Variants in ARMH4 observed in about 807,000 individuals in gnomAD.
ARMH4 encodes armadillo-like helical domain-containing protein 4.
In ARMH4, 49 loss-of-function variants were observed where a neutral mutation model predicts 61.9. The ratio of observed to expected loss-of-function variants is 0.79; its 90% CI spans 0.63 to 1.00. The LOEUF (loss-of-function observed/expected upper bound fraction) is 1.00, where lower values mean the gene tolerates loss of function less well. Ranked by LOEUF, ARMH4 falls within the 50% of genes least tolerant of loss-of-function variation. ARMH4 has a pLI of 0.00. For synonymous variants in ARMH4, 368 were observed against 341.5 expected, an observed-to-expected ratio of 1.08 and a Z score of -0.85; for missense variants, 934 against 930.0, an observed-to-expected ratio of 1.00 and a Z score of -0.06.
chr14:58,007,666 C>T (rs1882229319), intron 6 of ARMH4, among the ~76,000 whole-genome samples: 1 of 152,202 alleles, frequency 6.6e-6, no homozygotes, highest in Non-Finnish European at 1.5e-5. Flanking sequence ...TTGCTCATGA[C>T]TTGATTTCTT....
chr14:58,141,327 G>A (rs995891319), intron 1 of ARMH4: 2 of 475,462 alleles, frequency 4.2e-6, no homozygotes, highest in Admixed American at 4.9e-5. Flanking sequence ...TCACCCTTGA[G>A]GTCAAGCCCA....
At chr14:58,016,563 G>GA (rs1209458674) in intron 5 of ARMH4, among the ~76,000 whole-genome samples, 4 of 151,876 alleles carry the variant, frequency 2.6e-5, no homozygotes, top group South Asian at 2.1e-4. Flanking sequence ...TTAAATTAAG[G>GA]AAAAAAACAC....
intron 4 of ARMH4, among the ~76,000 whole-genome samples, chr14:58,109,582 T>C (rs1566584349): frequency 6.6e-6 from 1 of 152,210 alleles, no homozygotes; most frequent in South Asian, 2.1e-4. Flanking sequence ...ACACCTTCCT[T>C]CAATTTCTTT....
chr14:58,008,617 C>T (rs202104027), intron 6 of ARMH4, among the ~76,000 whole-genome samples: 13 of 152,270 alleles, frequency 8.5e-5, no homozygotes, highest in Middle Eastern at 3.4e-3. Flanking sequence ...AGCATCCTTA[C>T]GATTTCTGTG....
At chr14:58,131,074 CA>C (rs1887077696) in intron 4 of ARMH4, 1 of 161,774 alleles carries the variant, frequency 6.2e-6, no homozygotes, top group Admixed American at 5.9e-5. Flanking sequence ...ATAGCACAGT[CA>C]GCAAACTTGC....
rs145180619 is a variant in ARMH4 at position 58,138,537 on chromosome 14, G to T, written c.822C>A (p.Leu274=). The T allele has an allele frequency of 4.3e-6, 7 of 1,614,088 alleles. No homozygotes were observed. Among genetic ancestry groups the T allele is most frequent in the Middle Eastern group, 1.6e-4 (1 of 6,084 alleles). Reference sequence around the variant, plus strand: ...CACTCAGGGTGTACTCGGAAGTTTCGAGTGGTTGCTTGGTGGCAGCAGCCT... The same window carrying T: ...CACTCAGGGTGTACTCGGAAGTTTCTAGTGGTTGCTTGGTGGCAGCAGCCT... The part of the protein sequence containing the change: ...NTQAAATKQP[L]ETSEYTLSVE... Residue 274 remains leucine, a synonymous_variant, in exon 2 of 8, where the codon CTC becomes CTA. Transcript: ENST00000267485.
At chr14:58,023,301 G>C (rs12050252) in intron 5 of ARMH4, among the ~76,000 whole-genome samples, 2,069 of 152,140 alleles carry the variant, frequency 0.014, 34 homozygotes, top group East Asian at 0.081. Flanking sequence ...GTGAGCTAAG[G>C]TCATGTAATA....
intron 5 of ARMH4, among the ~76,000 whole-genome samples, chr14:58,020,576 C>T (rs1455884604): frequency 2.6e-5 from 4 of 152,062 alleles, no homozygotes; most frequent in Non-Finnish European, 5.9e-5. Context: ...CTCCCTGTCT[C>T]TCTCTTCCTG....
Position 58,003,943 on chromosome 14 carries a change from C to T in ARMH4, c.*793G>A, listed in dbSNP as rs1283489331. ...TCTTGAATTCTTCTTCATTTTTTCT[C>T]GGCAAAATCAACTAGCACACAAAAA... On this transcript the variant is annotated 3_prime_UTR_variant, in exon 8 of 8. Coordinates refer to ENST00000267485, the MANE Select transcript of ARMH4 (RefSeq NM_001001872.4). 1.3e-5 allele frequency: 2 copies of T among 152,074 alleles called. No individual in the cohort carries two copies. Among genetic ancestry groups the T allele is most frequent in the African/African-American group, 4.8e-5 (2 of 41,396 alleles). 9.4% of individuals were successfully genotyped at this position (152,074 alleles called of 1,614,324 possible).
At chr14:58,005,969 G>A (rs1882157953) in intron 6 of ARMH4, among the ~76,000 whole-genome samples, 1 of 152,182 alleles carries the variant, frequency 6.6e-6, no homozygotes, top group Admixed American at 6.6e-5. Context: ...AAAGATCACT[G>A]CCAACAACAC....
intron 5 of ARMH4, among the ~76,000 whole-genome samples, chr14:58,071,153 G>T (rs1051911220): frequency 4.0e-5 from 6 of 149,350 alleles, no homozygotes; most frequent in South Asian, 2.1e-4. Context: ...TATAATATAC[G>T]TTATATATAT....
intron 6 of ARMH4, among the ~76,000 whole-genome samples, chr14:58,009,807 CAAAAAAAAA>C (rs1180997628): frequency 4.3e-5 from 2 of 46,820 alleles, no homozygotes; most frequent in South Asian, 2.0e-3. Context: ...CAAGACTCTG[CAAAAAAAAA>C]AAAAAAAAAA....
At chr14:58,081,688 A>G (rs1885230833) in intron 5 of ARMH4, among the ~76,000 whole-genome samples, 1 of 151,246 alleles carries the variant, frequency 6.6e-6, no homozygotes, top group Non-Finnish European at 1.5e-5. Flanking sequence ...TTTTTTAGTG[A>G]AGATGGGGTT....
In ARMH4 at chr14:58,032,857, G is replaced by A. The variant is rs1056997468; in HGVS notation, c.2090-20707C>T. On this transcript the variant is annotated intron_variant, in intron 5 of 7. Transcript: ENST00000267485. ...CGCTTTTCAGACCGGCTTAACAAAC[G>A]GCGCACCACGAGACTATATACCACA... Among the ~76,000 whole-genome samples, 10 of 152,208 alleles carry A rather than the reference G, an allele frequency of 6.6e-5. 1 individual carries two copies. In the South Asian group the frequency reaches 8.3e-4, roughly 13 times the overall value.
chr14:58,105,452 G>A (rs772008209), intron 4 of ARMH4, among the ~76,000 whole-genome samples: 1 of 152,154 alleles, frequency 6.6e-6, no homozygotes, highest in Non-Finnish European at 1.5e-5. Context: ...TTGGGAGGCC[G>A]AGGCAGGTGG....
chr14:58,050,288 A>G (rs1213713454), intron 5 of ARMH4, among the ~76,000 whole-genome samples: 2 of 152,240 alleles, frequency 1.3e-5, no homozygotes, highest in African/African-American at 4.8e-5. Flanking sequence ...CCCTCCTGAT[A>G]GGTCCTTAAA....
intron 5 of ARMH4, among the ~76,000 whole-genome samples, chr14:58,051,096 T>C (rs1884124918): frequency 6.6e-6 from 1 of 150,840 alleles, no homozygotes; most frequent in Non-Finnish European, 1.5e-5. Context: ...CCATACGAGA[T>C]TCAAGGATCT....
chr14:58,136,303 T>C (rs1412523331), intron 2 of ARMH4, among the ~76,000 whole-genome samples: 1 of 152,170 alleles, frequency 6.6e-6, no homozygotes, highest in Non-Finnish European at 1.5e-5. Context: ...GTTTAGTACA[T>C]AAGAATCATG....
rs186984743 is a variant in ARMH4, at chr14:58,126,798, T to C, written c.1831+4714A>G. 4.3e-3 allele frequency among the ~76,000 whole-genome samples: 652 copies of C among 151,618 alleles called. 16 individuals carry two copies. The highest frequency in any genetic ancestry group is 4.5e-3 in the Non-Finnish European group (307 of 67,922). On this transcript the variant is annotated intron_variant, in intron 4 of 7. Coordinates refer to ENST00000267485, the MANE Select transcript of ARMH4 (RefSeq NM_001001872.4). The stretch of plus-strand genomic sequence containing the variant: ...AAGAAAGTTAAACGTAGCTTCTCCA[T>C]TGGATTTTTTTTTTTTTTTTTTGAG...
Sources: allele counts gnomAD v4.1 joint callset (sites outside exome capture counted in the v4.1 genomes callset), GRCh38; gene constraint gnomAD v4.1.1; transcripts MANE v1.5; gene names NCBI Gene and HGNC (gene_info 2026-07-23, HGNC 2026-07-21).